The following AGAP1 variants were observed in gnomAD, a reference collection of about 807,000 sequenced individuals.
AGAP1 encodes the protein ArfGAP with GTPase domain, ankyrin repeat and PH domain 1, also known as arf-GAP with GTPase, ANK repeat and PH domain-containing protein 1.
Under a neutral mutation model 105.3 loss-of-function variants are expected in AGAP1, and 29 were observed. The ratio of observed to expected loss-of-function variants is 0.28; its 90% CI spans 0.21 to 0.38. The LOEUF (loss-of-function observed/expected upper bound fraction) is 0.38. Among genes scored for constraint, AGAP1 ranks in the 10% least tolerant of loss-of-function variants. The pLI is 1.00. For synonymous variants in AGAP1, 509 were observed against 485.9 expected (o/e 1.05, Z -0.63); for missense variants, 998 against 1,165.1 (o/e 0.86, Z 2.09).
In AGAP1 at chr2:235,639,241, A is replaced by G. The variant is rs183129713; in HGVS notation, c.164-69938A>G. On this transcript the variant is annotated intron_variant, in intron 1 of 17. Transcript: ENST00000304032. The surrounding 1 kb of genome is among the most constrained non-coding windows in gnomAD (Gnocchi z 5.3). ...TGTTGTGAGTCTGTGGTTCCCAGGG[A>G]GCAGCTGAGTAGGCTGTTGGGTGAG... 7.2e-5 allele frequency among the ~76,000 whole-genome samples: 11 copies of G among 152,168 alleles called. No individual in the cohort carries two copies. The highest frequency in any genetic ancestry group is 2.4e-4 in the African/African-American group (10 of 41,506).
intron 16 of AGAP1, among the ~76,000 whole-genome samples, chr2:236,088,013 A>G (rs965135829): frequency 1.3e-5 from 2 of 152,122 alleles, no homozygotes; most frequent in Non-Finnish European, 2.9e-5. Flanking sequence ...CAGTTTGTTG[A>G]TGGCTATCTG....
intron 9 of AGAP1, among the ~76,000 whole-genome samples, chr2:235,826,235 A>G (rs887112350): frequency 1.2e-4 from 18 of 152,160 alleles, no homozygotes; most frequent in African/African-American, 3.6e-4. Flanking sequence ...ACCCCCAAAT[A>G]GGGTGACCTA....
intron 1 of AGAP1, among the ~76,000 whole-genome samples, chr2:235,658,823 G>T (rs1947855189): frequency 6.6e-6 from 1 of 152,162 alleles, no homozygotes; most frequent in African/African-American, 2.4e-5. Flanking sequence ...ACCCCAATCA[G>T]CCTTGAGTTT....
rs1222707137 is a variant in AGAP1, at chr2:236,049,070, G to A, written c.1903G>A (p.Ala635Thr). The A allele has an allele frequency of 1.2e-6, 2 of 1,613,924 alleles. No homozygotes were observed. Among genetic ancestry groups the A allele is most frequent in the Non-Finnish European group, 1.7e-6 (2 of 1,179,818 alleles). Reference protein sequence around the residue: ...VDCETQNPNWASLNLGALMCI... With the variant: ...VDCETQNPNWTSLNLGALMCI... ...TCCTCTTCCCGTAGATCCCAACTGG[G>A]CCAGTTTGAACTTGGGAGCCCTCAT... Residue 635 changes from alanine to threonine, a missense_variant, in exon 16 of 18, where the codon GCC becomes ACC. Around this residue, in one of 3 missense-constraint regions of AGAP1, gnomAD observed 28 missense variants for 61.0 expected, o/e 0.46. Transcript: ENST00000304032.
chr2:235,539,940 A>G (rs1943378213), intron 1 of AGAP1, among the ~76,000 whole-genome samples: 2 of 152,092 alleles, frequency 1.3e-5, no homozygotes, highest in African/African-American at 4.8e-5. Flanking sequence ...CCACCTGGTC[A>G]TCCACCGCGG....
At position 235,578,081 on chromosome 2, in the gene AGAP1, C is replaced by T. The variant is rs985168733; in HGVS notation, c.163+83232C>T. Among the ~76,000 whole-genome samples, 20 of 152,158 alleles carry T rather than the reference C, an allele frequency of 1.3e-4. 1 individual carries two copies. Among genetic ancestry groups the T allele is most frequent in the African/African-American group, 3.1e-4 (13 of 41,522 alleles). Reference sequence around the variant, plus strand: ...TATCCTGCCTGCTGGTCTGAGGGTCCGAGCGTGATTGGGAGCAGAGACAAG... The same window carrying T: ...TATCCTGCCTGCTGGTCTGAGGGTCTGAGCGTGATTGGGAGCAGAGACAAG... On this transcript the variant is annotated intron_variant, in intron 1 of 17. Transcript: ENST00000304032. This position sits in a 1 kb window ranked among gnomAD's most constrained non-coding sequence, Gnocchi z 4.9.
chr2:235,636,451 T>C (rs541180429), intron 1 of AGAP1, among the ~76,000 whole-genome samples: 1 of 152,240 alleles, frequency 6.6e-6, no homozygotes, highest in Admixed American at 6.5e-5. Context: ...TTCATGCCTG[T>C]GGAAAGGGAA....
chr2:235,956,461 C>T (rs1012131779), intron 12 of AGAP1, among the ~76,000 whole-genome samples: 1 of 152,198 alleles, frequency 6.6e-6, no homozygotes, highest in African/African-American at 2.4e-5. Flanking sequence ...TTCCTTCTGT[C>T]ATCCCTTCAA....
intron 16 of AGAP1, among the ~76,000 whole-genome samples, chr2:236,074,758 C>T (rs984591723): frequency 2.6e-5 from 4 of 152,096 alleles, no homozygotes; most frequent in Non-Finnish European, 2.9e-5. Context: ...GTTGAGTTCT[C>T]AGTGAAAGAA....
At position 235,702,934 on chromosome 2, in the gene AGAP1, G is replaced by GTTTTTTTTTTTTTTTTTTT. The variant is rs549844265; in HGVS notation, c.164-6233_164-6232insTTTTTTTTTTTTTTTTTTT. On this transcript the variant is annotated intron_variant, in intron 1 of 17. Transcript: ENST00000304032. ...TGGTCACTGTGAGCCAGTTTTCTTG[G>GTTTTTTTTTTTTTTTTTTT]TTTTTTTTTTTTGGACAGAGTCTGG... 5.1e-3 allele frequency among the ~76,000 whole-genome samples: 450 copies of GTTTTTTTTTTTTTTTTTTT among 88,920 alleles called. 61 individuals are homozygous for GTTTTTTTTTTTTTTTTTTT. Among genetic ancestry groups the GTTTTTTTTTTTTTTTTTTT allele is most frequent in the Middle Eastern group, 0.015 (2 of 136 alleles). 58.3% of individuals were successfully genotyped at this position (88,920 alleles called of 152,430 possible).
chr2:236,107,272 C>G (rs2125924781), intron 16 of AGAP1, among the ~76,000 whole-genome samples: 1 of 152,312 alleles, frequency 6.6e-6, no homozygotes, highest in South Asian at 2.1e-4. Context: ...GCCTGGGTCC[C>G]TCCTCCTCTG....
In AGAP1 at chr2:235,634,320, T is replaced by G. The variant is rs561217645; in HGVS notation, c.164-74859T>G. Among the ~76,000 whole-genome samples the G allele has an allele frequency of 5.3e-5, 8 of 152,338 alleles. No homozygotes were observed. In the South Asian group the frequency reaches 1.4e-3, roughly 28 times the overall value. ...TTTCATCGACACATCCTTTGGAGTC[T>G]TAAACACAGCAGCAGCACTGTTGTG... On this transcript the variant is annotated intron_variant, in intron 1 of 17. Coordinates refer to ENST00000304032, the MANE Select transcript of AGAP1 (RefSeq NM_001037131.3).
intron 12 of AGAP1, among the ~76,000 whole-genome samples, chr2:235,939,254 G>A (rs561304180): frequency 1.3e-4 from 20 of 151,972 alleles, no homozygotes; most frequent in East Asian, 1.9e-4. Flanking sequence ...ATCCTTTCCC[G>A]ATGAAACTGG....
chr2:236,034,189 T>C (rs779782910), intron 13 of AGAP1, among the ~76,000 whole-genome samples: 1 of 152,188 alleles, frequency 6.6e-6, no homozygotes, highest in Non-Finnish European at 1.5e-5. Flanking sequence ...TAAAAGCCCA[T>C]GGATCAAGAA....
intron 16 of AGAP1, among the ~76,000 whole-genome samples, chr2:236,066,756 T>C (rs2125779217): frequency 6.6e-6 from 1 of 152,346 alleles, no homozygotes; most frequent in Non-Finnish European, 1.5e-5. Context: ...TGCATAGGTC[T>C]ATCAATAATA....
intron 13 of AGAP1, among the ~76,000 whole-genome samples, chr2:235,991,999 A>G (rs1199656540): frequency 6.6e-6 from 1 of 152,164 alleles, no homozygotes; most frequent in Non-Finnish European, 1.5e-5. Flanking sequence ...AAATGTCCAC[A>G]TTTCTCTCTC....
At chr2:236,070,924 G>A (rs1050829695) in intron 16 of AGAP1, among the ~76,000 whole-genome samples, 1 of 152,230 alleles carries the variant, frequency 6.6e-6, no homozygotes, top group African/African-American at 2.4e-5. Context: ...ATTTGGAGAT[G>A]AGTGAATCGT....
intron 1 of AGAP1, among the ~76,000 whole-genome samples, chr2:235,540,110 T>G (rs1215538160): frequency 6.6e-6 from 1 of 150,790 alleles, no homozygotes. Flanking sequence ...TTTGTTCCTC[T>G]CAATCCGTTT....
Position 235,777,019 on chromosome 2 carries a change from C to T in AGAP1, c.674-20740C>T, listed in dbSNP as rs1480759487. ...GCACGTTTTATCATGTGAGCGTCTG[C>T]TCTTGAGAGGCCAGGCTGGATCCTG... On this transcript the variant is annotated intron_variant, in intron 6 of 17. Coordinates refer to ENST00000304032, the MANE Select transcript of AGAP1 (RefSeq NM_001037131.3). The surrounding 1 kb of genome is among the most constrained non-coding windows in gnomAD (Gnocchi z 5.1). The T allele has an allele frequency of 2.1e-6, 1 of 471,042 alleles. No homozygotes were observed. Among genetic ancestry groups the T allele is most frequent in the Non-Finnish European group, 4.4e-6 (1 of 227,060 alleles). 29.2% of individuals were successfully genotyped at this position (471,042 alleles called of 1,614,324 possible).
Sources: gnomAD v4.1 joint callset for allele counts (sites outside exome capture counted in the v4.1 genomes callset) on GRCh38, gnomAD v4.1.1 for gene constraint, gnomAD v4.1.1 regional missense constraint, Gnocchi (gnomAD v3.1) non-coding constraint, MANE v1.5 for transcripts, NCBI Gene and HGNC (gene_info 2026-07-23, HGNC 2026-07-21) for gene names.